Variants in LOC128462377 observed in about 807,000 individuals in gnomAD.
the LOC128462377 span, chr16:89,323,438 T>TAA: frequency 2.2e-6 from 1 of 456,784 alleles, no homozygotes; most frequent in Non-Finnish European, 3.1e-6. Flanking sequence ...GCAGGGGGGC[T>TAA]GAGCCGAGGG....
chr16:89,356,567 C>A, the LOC128462377 span, among the ~76,000 whole-genome samples: 9 of 148,870 alleles, frequency 6.0e-5, no homozygotes. Context: ...GTCAGGAGAT[C>A]GAGACCATCC....
At chr16:89,414,100 G>A in the LOC128462377 span, among the ~76,000 whole-genome samples, 26 of 152,160 alleles carry the variant, frequency 1.7e-4, no homozygotes, top group South Asian at 2.1e-4. Context: ...CTGCGCACTC[G>A]GGGACACTGA....
the LOC128462377 span, among the ~76,000 whole-genome samples, chr16:89,393,318 T>TTA: frequency 6.6e-6 from 1 of 150,430 alleles, no homozygotes; most frequent in African/African-American, 2.5e-5. Flanking sequence ...ATTTTTATTT[T>TTA]TTTTTTTTTT....
chr16:89,411,079 A>C, the LOC128462377 span, among the ~76,000 whole-genome samples: 1 of 151,900 alleles, frequency 6.6e-6, no homozygotes, highest in African/African-American at 2.4e-5. Flanking sequence ...CCAGTGCAGG[A>C]GGCAGGTTCC....
At chr16:89,385,491 G>A in the LOC128462377 span, among the ~76,000 whole-genome samples, 3 of 152,082 alleles carry the variant, frequency 2.0e-5, no homozygotes, top group African/African-American at 7.2e-5. Flanking sequence ...ACCGGGCAGA[G>A]GGAAGGGCGC....
At chr16:89,349,134 TAAAAAAAA>T in the LOC128462377 span, among the ~76,000 whole-genome samples, 44 of 16,584 alleles carry the variant, frequency 2.7e-3, no homozygotes, top group East Asian at 0.017. Flanking sequence ...TCTCAAAAAG[TAAAAAAAA>T]AAAAAAAAAA....
the LOC128462377 span, among the ~76,000 whole-genome samples, chr16:89,358,876 A>G: frequency 6.6e-6 from 1 of 151,772 alleles, no homozygotes; most frequent in Non-Finnish European, 1.5e-5. Context: ...CCCAGGCTGG[A>G]GCGCAGTGGT....
the LOC128462377 span, among the ~76,000 whole-genome samples, chr16:89,359,959 C>T: frequency 4.6e-5 from 7 of 151,448 alleles, no homozygotes; most frequent in East Asian, 3.9e-4. Context: ...AAACACATGT[C>T]GGCAGTGGGC....
At chr16:89,413,572 C>T in the LOC128462377 span, among the ~76,000 whole-genome samples, 29 of 152,262 alleles carry the variant, frequency 1.9e-4, no homozygotes, top group South Asian at 4.1e-4. Context: ...TTGCAGTGAG[C>T]CGAGGTCGCA....
the LOC128462377 span, among the ~76,000 whole-genome samples, chr16:89,407,475 C>G: frequency 6.6e-6 from 1 of 152,144 alleles, no homozygotes; most frequent in Non-Finnish European, 1.5e-5. Flanking sequence ...AAAAAGGAAC[C>G]ACGTTCGCCT....
chr16:89,326,896 G>T, the LOC128462377 span, among the ~76,000 whole-genome samples: 1 of 152,202 alleles, frequency 6.6e-6, no homozygotes, highest in Non-Finnish European at 1.5e-5. Context: ...TCTGCACGTG[G>T]GGCTGACAGG....
At chr16:89,374,901 T>C in the LOC128462377 span, among the ~76,000 whole-genome samples, 2 of 151,970 alleles carry the variant, frequency 1.3e-5, no homozygotes, top group South Asian at 2.1e-4. Flanking sequence ...TTGGAAAGAA[T>C]TACAAACCAT....
chr16:89,319,074 G>C, the LOC128462377 span, among the ~76,000 whole-genome samples: 6,828 of 152,264 alleles, frequency 0.045, 491 homozygotes, highest in African/African-American at 0.15. Flanking sequence ...GGATTATCTG[G>C]AATTAACATT....
At chr16:89,355,136 C>A in the LOC128462377 span, among the ~76,000 whole-genome samples, 1 of 152,206 alleles carries the variant, frequency 6.6e-6, no homozygotes, top group African/African-American at 2.4e-5. Context: ...CCCGTCTGGC[C>A]AAGGAGCCTC....
the LOC128462377 span, among the ~76,000 whole-genome samples, chr16:89,335,935 C>A: frequency 6.6e-6 from 1 of 152,224 alleles, no homozygotes; most frequent in African/African-American, 2.4e-5. Context: ...GCTGAGGCAT[C>A]CGCCGCAAAC....
chr16:89,338,103 G>A, the LOC128462377 span, among the ~76,000 whole-genome samples: 1 of 152,134 alleles, frequency 6.6e-6, no homozygotes, highest in Non-Finnish European at 1.5e-5. Flanking sequence ...CCCCACTATG[G>A]CCATCCCAGG....
the LOC128462377 span, among the ~76,000 whole-genome samples, chr16:89,408,687 G>A: frequency 1.3e-5 from 2 of 151,914 alleles, no homozygotes; most frequent in African/African-American, 2.4e-5. Flanking sequence ...AGAGTCCAGC[G>A]CTAATACAAC....
At chr16:89,347,175 A>G in the LOC128462377 span, among the ~76,000 whole-genome samples, 1 of 152,134 alleles carries the variant, frequency 6.6e-6, no homozygotes, top group Non-Finnish European at 1.5e-5. Flanking sequence ...TGGAAATGTG[A>G]ATGAAAACAC....
the LOC128462377 span, among the ~76,000 whole-genome samples, chr16:89,415,097 A>G: frequency 1.3e-5 from 2 of 151,722 alleles, no homozygotes; most frequent in African/African-American, 4.8e-5. Flanking sequence ...CCACAGGCGC[A>G]TGCATGCCAC....
Sources: allele counts gnomAD v4.1 joint callset (sites outside exome capture counted in the v4.1 genomes callset), GRCh38; gene constraint gnomAD v4.1.1; transcripts MANE v1.5.